PML: variants seen among roughly 807,000 people sequenced by gnomAD.
The protein encoded by PML is PML nuclear body scaffold.
A neutral mutation model predicts 65.2 loss-of-function variants in PML; 28 were observed. The ratio of observed to expected loss-of-function variants is 0.43; its 90% confidence interval spans 0.32 to 0.59. PML has a LOEUF of 0.59. Among genes scored for constraint, PML ranks in the 20% least tolerant of loss-of-function variants. The pLI, the probability that PML is intolerant of heterozygous loss-of-function variation, is 0.08. For missense variants in PML, 1,021 were observed against 1,203.4 expected (o/e 0.85, Z 2.24); for synonymous variants, 500 against 508.8 (o/e 0.98, Z 0.23).
intron 4 of PML, among the ~76,000 whole-genome samples, chr15:74,030,414 C>T (rs1002243353): frequency 5.9e-5 from 9 of 152,068 alleles, no homozygotes; most frequent in Non-Finnish European, 1.0e-4. Flanking sequence ...TTTGGGAGGC[C>T]GAGGCGGGTG....
intron 3 of PML, 152 bp from the exon 4 acceptor site, chr15:74,024,705 C>A: frequency 2.9e-6 from 2 of 691,738 alleles, no homozygotes; most frequent in Non-Finnish European, 5.3e-6. Flanking sequence ...TTCCAGCTGC[C>A]CCTCCAGGGA....
intron 4 of PML, 37 bp from the exon 5 acceptor site, chr15:74,032,535 C>T: frequency 6.2e-7 from 1 of 1,613,014 alleles, no homozygotes; most frequent in Non-Finnish European, 8.5e-7. Context: ...GGGGCTGCTG[C>T]CTAGTCATTT....
At chr15:74,019,650 A>T (rs1162296656) in intron 2 of PML, among the ~76,000 whole-genome samples, 1 of 152,240 alleles carries the variant, frequency 6.6e-6, no homozygotes, top group Non-Finnish European at 1.5e-5. Flanking sequence ...AAAAGGTAGC[A>T]TCTGATACAC....
chr15:74,042,650 C>T lies in PML; in HGVS notation c.1711-339C>T, dbSNP rs936480387. The stretch of plus-strand genomic sequence containing the variant: ...ACACTTTCATACACTTGTGTCAACG[C>T]AGGTTCACAGCTCACACTTAACTGT... On this transcript the variant is annotated intron_variant, in intron 7 of 8. Coordinates refer to ENST00000268058, the MANE Select transcript of PML (RefSeq NM_033238.3). This position sits in a 1 kb window ranked among gnomAD's most constrained non-coding sequence, Gnocchi z 5.3. 1 of 985,310 alleles carries T rather than the reference C, an allele frequency of 1.0e-6. No homozygotes were observed. The highest frequency in any genetic ancestry group is 1.7e-5 in the African/African-American group (1 of 57,226). The allele number at this position is 985,310 out of a possible 1,614,324, so 61.0% of individuals were successfully genotyped here. A position where few individuals can be genotyped will look rare whatever the true frequency, so the allele number is the denominator to read the frequency against.
In PML at chr15:73,998,133, C is replaced by A. The variant is rs543332226; in HGVS notation, c.259C>A (p.Gln87Lys). Residue 87 changes from glutamine to lysine, a missense_variant, in exon 2 of 9, where the codon CAG (glutamine) becomes AAG (lysine). Transcript: ENST00000268058. ...CSGCLEASGM[Q>K]CPICQAPWPL... ...AGGATGCCTGGAGGCGTCGGGCATG[C>A]AGTGCCCCATCTGCCAGGCGCCCTG... 1 of 1,614,080 alleles carries A rather than the reference C, an allele frequency of 6.2e-7. No individual in the cohort carries two copies. Among genetic ancestry groups the A allele is most frequent in the Non-Finnish European group, 8.5e-7 (1 of 1,180,010 alleles).
rs547782269 is a variant in PML, at chr15:74,034,367, T to C, written c.1658-111T>C. 6.4e-6 allele frequency: 9 copies of C among 1,407,388 alleles called. No individual in the cohort carries two copies. The East Asian group carries it at 2.1e-4, about 32-fold the overall frequency. The allele number at this position is 1,407,388 out of a possible 1,614,324, so 87.2% of individuals were successfully genotyped here. A position where few individuals can be genotyped will look rare whatever the true frequency, so the allele number is the denominator to read the frequency against. On this transcript the variant is annotated intron_variant, in intron 6 of 8. Coordinates refer to ENST00000268058, the MANE Select transcript of PML (RefSeq NM_033238.3). ...GCTGTTCCCGTCCCCCTGCAGGGCA[T>C]CCGTTTCCCCCAGCCGACTGGCCTG...
At chr15:74,011,167 C>G (rs1031144769) in intron 2 of PML, among the ~76,000 whole-genome samples, 7 of 152,178 alleles carry the variant, frequency 4.6e-5, no homozygotes, top group African/African-American at 1.7e-4. Context: ...TGCAACAGCT[C>G]CAGAGGTTAC....
At chr15:74,038,603 C>G (rs983618776) in intron 7 of PML, among the ~76,000 whole-genome samples, 1 of 152,114 alleles carries the variant, frequency 6.6e-6, no homozygotes, top group Non-Finnish European at 1.5e-5. Flanking sequence ...CTTTCCAGAC[C>G]CCTGGTGCCC....
intron 7 of PML, among the ~76,000 whole-genome samples, chr15:74,040,120 C>CA (rs1595921379): frequency 6.6e-6 from 1 of 151,644 alleles, no homozygotes; most frequent in African/African-American, 2.4e-5. Flanking sequence ...AGCCTGAACA[C>CA]AGTTTTGCAT....
At position 74,032,682 on chromosome 15, in the gene PML, C is replaced by T. The variant is rs376333996; in HGVS notation, c.1365C>T (p.Tyr455=). The T allele has an allele frequency of 1.5e-5, 25 of 1,614,082 alleles. No individual in the cohort carries two copies. Among genetic ancestry groups the T allele is most frequent in the African/African-American group, 4.0e-5 (3 of 74,944 alleles). ...SVPGAHPVPV[Y]AFSIKGPSYG... ...CCGGGGCACACCCCGTGCCAGTGTA[C>T]GCCTTCTCCATCAAAGGCCCTTCCT... The change falls in exon 5 of 9, where the codon TAC becomes TAT. Residue 455 remains tyrosine, a synonymous_variant. Transcript: ENST00000268058.
chr15:73,994,892 A>G lies in PML; in HGVS notation c.80A>G (p.Glu27Gly). ...CAGGAGCCCACCATGCCTCCCCCCG[A>G]GACCCCCTCTGAAGGCCGCCAGCCC... ...RPQEPTMPPP[E>G]TPSEGRQPSP... Residue 27 changes from glutamate (E) to glycine (G), a missense_variant, in exon 1 of 9, where the codon GAG becomes GGG. Transcript: ENST00000268058. The G allele has an allele frequency of 6.6e-7, 1 of 1,525,776 alleles. No individual in the cohort carries two copies. Among genetic ancestry groups the G allele is most frequent in the South Asian group, 1.2e-5 (1 of 83,772 alleles). 94.5% of individuals were successfully genotyped at this position (1,525,776 alleles called of 1,614,324 possible).
chr15:74,032,769 G>GA, intron 5 of PML, 54 bp downstream of exon 5: 1 of 1,590,068 alleles, frequency 6.3e-7, no homozygotes, highest in South Asian at 1.1e-5. Flanking sequence ...GTTCCACCAG[G>GA]AAAGTGAGCT....
chr15:74,038,737 C>G (rs571806658), intron 7 of PML, among the ~76,000 whole-genome samples: 1 of 152,278 alleles, frequency 6.6e-6, no homozygotes, highest in East Asian at 1.9e-4. Context: ...CAGCTTATAT[C>G]CAGCTTTGCA....
intron 4 of PML, among the ~76,000 whole-genome samples, chr15:74,030,671 C>T (rs1479962431): frequency 2.0e-5 from 3 of 151,806 alleles, no homozygotes; most frequent in South Asian, 2.1e-4. Context: ...AACAAACAAA[C>T]GAACAAAAAA....
rs1168158486 is a variant in PML at position 73,994,841 on chromosome 15, G to A, written c.29G>A (p.Arg10Lys). 6.4e-7 allele frequency: 1 copy of A among 1,558,638 alleles called. No homozygotes were observed. The highest frequency in any genetic ancestry group is 8.7e-7 in the Non-Finnish European group (1 of 1,150,998). Residue 10 changes from arginine (R) to lysine (K), a missense_variant, in exon 1 of 9, where the codon AGG becomes AAG. By Grantham distance (26) the Arg-to-Lys change is conservative. Coordinates refer to ENST00000268058, the MANE Select transcript of PML (RefSeq NM_033238.3). Reference protein sequence around the residue: MEPAPARSPRPQQDPARPQE... With the variant: MEPAPARSPKPQQDPARPQE... Reference sequence around the variant, plus strand: ...GAGCCTGCACCCGCCCGATCTCCGAGGCCCCAGCAGGACCCCGCCCGGCCC... The same window carrying A: ...GAGCCTGCACCCGCCCGATCTCCGAAGCCCCAGCAGGACCCCGCCCGGCCC...
At chr15:73,995,150 G>A (rs907973287) in intron 1 of PML, among the ~76,000 whole-genome samples, 20 of 152,364 alleles carry the variant, frequency 1.3e-4, no homozygotes, top group Admixed American at 6.5e-4. Flanking sequence ...CGGAGGAGTT[G>A]GGGCGGCCTC....
In PML at chr15:74,024,943, G is replaced by T; in HGVS notation, c.1254+16G>T. 6.3e-7 allele frequency: 1 copy of T among 1,586,298 alleles called. No homozygotes were observed. Among genetic ancestry groups the T allele is most frequent in the Non-Finnish European group, 8.7e-7 (1 of 1,154,900 alleles). ...CGTTGACCTGGTGAGATGGGTTTGAGGTCTGAAGGGGTGGTGGTGGGGCCC... is the reference window on the plus strand; with the variant it reads ...CGTTGACCTGGTGAGATGGGTTTGATGTCTGAAGGGGTGGTGGTGGGGCCC... On this transcript the variant is annotated intron_variant, in intron 4 of 8. Coordinates refer to ENST00000268058, the MANE Select transcript of PML (RefSeq NM_033238.3).
chr15:74,013,171 T>C (rs1595890927), intron 2 of PML, among the ~76,000 whole-genome samples: 1 of 152,226 alleles, frequency 6.6e-6, no homozygotes, highest in East Asian at 1.9e-4. Flanking sequence ...AAAAATTATC[T>C]TTATTTCAAT....
In PML at chr15:74,042,538, C is replaced by T; in HGVS notation, c.1711-451C>T. 1.0e-6 allele frequency: 1 copy of T among 985,376 alleles called. No individual in the cohort carries two copies. The highest frequency in any genetic ancestry group is 1.2e-6 in the Non-Finnish European group (1 of 829,890). 61.0% of individuals were successfully genotyped at this position (985,376 alleles called of 1,614,324 possible). A position where few individuals can be genotyped will look rare whatever the true frequency, so the allele number is the denominator to read the frequency against. The stretch of plus-strand genomic sequence containing the variant: ...GAAATTAGGAGCAGACATCTCAGGT[C>T]CTGCCTGCCATAGCAGATGGCTCCT... On this transcript the variant is annotated intron_variant, in intron 7 of 8. Transcript: ENST00000268058. This position sits in a 1 kb window ranked among gnomAD's most constrained non-coding sequence, Gnocchi z 5.3.
Sources: gnomAD v4.1 joint callset for allele counts (sites outside exome capture counted in the v4.1 genomes callset) on GRCh38, gnomAD v4.1.1 for gene constraint, Gnocchi (gnomAD v3.1) non-coding constraint, MANE v1.5 for transcripts, NCBI Gene and HGNC (gene_info 2026-07-23, HGNC 2026-07-21) for gene names.